Variants in PDE6D observed in about 807,000 individuals in gnomAD.
The protein encoded by PDE6D is phosphodiesterase 6D.
PDE6D carries 10 observed loss-of-function variants against 21.9 expected under a neutral mutation model. That is an observed-to-expected ratio of 0.46 (90% CI 0.28 to 0.78). The LOEUF is 0.78. Among genes scored for constraint, PDE6D ranks in the 30% least tolerant of loss-of-function variants. The probability of loss-of-function intolerance (pLI) is 0.12; values close to 1 mark genes in which losing one functional copy is unlikely to be tolerated. For synonymous variants in PDE6D, 59 were observed against 63.5 expected, an observed-to-expected ratio of 0.93 and a Z score of 0.34; for missense variants, 139 against 184.8, an observed-to-expected ratio of 0.75 and a Z score of 1.44.
intron 1 of PDE6D, among the ~76,000 whole-genome samples, chr2:231,745,530 G>C (rs1201293516): frequency 6.6e-6 from 1 of 152,178 alleles, no homozygotes; most frequent in East Asian, 1.9e-4. Context: ...CGAAGGATGA[G>C]CACAAAGGAA....
chr2:231,733,287 C>CA (rs1203822027), intron 4 of PDE6D, among the ~76,000 whole-genome samples: 1 of 152,200 alleles, frequency 6.6e-6, no homozygotes, highest in African/African-American at 2.4e-5. Context: ...CTCCTTGGTA[C>CA]ACTCTAAAGC....
intron 1 of PDE6D, among the ~76,000 whole-genome samples, chr2:231,771,813 T>C (rs1458865583): frequency 6.6e-6 from 1 of 152,138 alleles, no homozygotes; most frequent in African/African-American, 2.4e-5. Flanking sequence ...TATAAACATT[T>C]GCCAAAAAAA....
At chr2:231,768,953 C>T (rs2048993713) in intron 1 of PDE6D, among the ~76,000 whole-genome samples, 1 of 152,142 alleles carries the variant, frequency 6.6e-6, no homozygotes. Flanking sequence ...ACTGCAACCT[C>T]CGCCTCCTGG....
chr2:231,749,672 C>T (rs1574623455), intron 1 of PDE6D, among the ~76,000 whole-genome samples: 1 of 152,212 alleles, frequency 6.6e-6, no homozygotes, highest in South Asian at 2.1e-4. Flanking sequence ...GCTGAGATTA[C>T]AGGCACTTGC....
chr2:231,767,172 G>A (rs777895720), intron 1 of PDE6D, among the ~76,000 whole-genome samples: 13 of 152,068 alleles, frequency 8.5e-5, no homozygotes, highest in Non-Finnish European at 1.9e-4. Context: ...TGACTTTTCT[G>A]ATATCCTACT....
At chr2:231,768,347 G>A (rs1339014973) in intron 1 of PDE6D, among the ~76,000 whole-genome samples, 1 of 152,086 alleles carries the variant, frequency 6.6e-6, no homozygotes, top group African/African-American at 2.4e-5. Context: ...AGATTAAACT[G>A]GGTAACACCT....
chr2:231,763,628 CT>C (rs1008984136), intron 1 of PDE6D, among the ~76,000 whole-genome samples: 23 of 149,014 alleles, frequency 1.5e-4, no homozygotes, highest in Non-Finnish European at 2.2e-4. Context: ...TCTTTAAAAA[CT>C]TTTTTTTTCT....
At chr2:231,775,983 A>G (rs1021264161) in intron 1 of PDE6D, among the ~76,000 whole-genome samples, 13 of 152,200 alleles carry the variant, frequency 8.5e-5, no homozygotes, top group Admixed American at 6.5e-4. Flanking sequence ...ATGTTGATGA[A>G]AAAGCTATTC....
intron 3 of PDE6D, 141 bp from the exon 4 acceptor site, chr2:231,737,433 C>T (rs779017830): frequency 2.7e-5 from 15 of 554,950 alleles, no homozygotes; most frequent in South Asian, 1.6e-4. Context: ...AGACCAGGGG[C>T]GTAAAAAAGA....
chr2:231,752,238 GA>G, intron 1 of PDE6D, among the ~76,000 whole-genome samples: 1 of 133,202 alleles, frequency 7.5e-6, no homozygotes, highest in Non-Finnish European at 1.6e-5. Flanking sequence ...GAAAAGCTGA[GA>G]GAGGGGAAAA....
intron 1 of PDE6D, among the ~76,000 whole-genome samples, chr2:231,769,929 C>T (rs948167968): frequency 1.3e-5 from 2 of 152,168 alleles, no homozygotes; most frequent in Admixed American, 1.3e-4. Flanking sequence ...ATACTTTCAC[C>T]TGATATTTTT....
chr2:231,779,803 A>G (rs1246492701), intron 1 of PDE6D, among the ~76,000 whole-genome samples: 3 of 152,236 alleles, frequency 2.0e-5, no homozygotes, highest in Non-Finnish European at 2.9e-5. Context: ...TCACTTGTAC[A>G]TCCAAAACTT....
rs115005861 is a variant in PDE6D at position 231,759,626 on chromosome 2, A to G, written c.51-20438T>C. ...TGGAATCTATTTCTCTGCCAAAAACATGTTTGGGAAGCAGAAAAGCTAATA... is the reference window on the plus strand; with the variant it reads ...TGGAATCTATTTCTCTGCCAAAAACGTGTTTGGGAAGCAGAAAAGCTAATA... On this transcript the variant is annotated intron_variant, in intron 1 of 4. Coordinates refer to ENST00000287600, the MANE Select transcript of PDE6D (RefSeq NM_002601.4). Among the ~76,000 whole-genome samples the G allele has an allele frequency of 3.7e-3, 570 of 152,312 alleles. 4 individuals are homozygous for G. The highest frequency in any genetic ancestry group is 0.017 in the Middle Eastern group (5 of 294).
chr2:231,780,274 T>C (rs940463892), intron 1 of PDE6D, among the ~76,000 whole-genome samples: 5 of 152,118 alleles, frequency 3.3e-5, no homozygotes, highest in Non-Finnish European at 7.4e-5. Flanking sequence ...CAGCTAGGCA[T>C]AACCGCACCG....
At chr2:231,752,037 A>G (rs2048843885) in intron 1 of PDE6D, among the ~76,000 whole-genome samples, 1 of 152,228 alleles carries the variant, frequency 6.6e-6, no homozygotes, top group South Asian at 2.1e-4. Flanking sequence ...TCAATCATTT[A>G]TATCAGTCCA....
intron 1 of PDE6D, among the ~76,000 whole-genome samples, chr2:231,753,215 C>G (rs902108585): frequency 1.3e-5 from 2 of 151,328 alleles, no homozygotes; most frequent in Admixed American, 1.3e-4. Context: ...AAGGGTGGTT[C>G]CATGACCTTG....
chr2:231,755,788 C>T (rs955432611), intron 1 of PDE6D, among the ~76,000 whole-genome samples: 3 of 152,066 alleles, frequency 2.0e-5, no homozygotes, highest in Non-Finnish European at 4.4e-5. Flanking sequence ...GGTGTGGTGG[C>T]GCATGCCCGT....
In PDE6D at chr2:231,781,230, G is replaced by C; in HGVS notation, c.-116C>G. On this transcript the variant is annotated 5_prime_UTR_variant, in exon 1 of 5. Coordinates refer to ENST00000287600, the MANE Select transcript of PDE6D (RefSeq NM_002601.4). ...GCTTGGAGACCTCGGGCTAGCAGCC[G>C]CAGCGGCCAGACCAGGACCGGCCTC... 2 of 946,714 alleles carry C rather than the reference G, an allele frequency of 2.1e-6. No homozygotes were observed. Among genetic ancestry groups the C allele is most frequent in the South Asian group, 2.9e-5 (2 of 69,956 alleles). The allele number at this position is 946,714 out of a possible 1,614,324, so 58.6% of individuals were successfully genotyped here.
In PDE6D at chr2:231,770,910, G is replaced by A. The variant is rs539228483; in HGVS notation, c.50+10155C>T. On this transcript the variant is annotated intron_variant, in intron 1 of 4. Coordinates refer to ENST00000287600, the MANE Select transcript of PDE6D (RefSeq NM_002601.4). The stretch of plus-strand genomic sequence containing the variant: ...AGAGGTTGCAGTGAGTTGAGATCGC[G>A]CCATTGCACTCCAGCCTGGGTGACA... Among the ~76,000 whole-genome samples, 79 of 150,508 alleles carry A rather than the reference G, an allele frequency of 5.2e-4. 1 individual carries two copies. Among genetic ancestry groups the A allele is most frequent in the African/African-American group, 1.8e-3 (74 of 40,894 alleles).
Sources: gnomAD v4.1 joint callset for allele counts (sites outside exome capture counted in the v4.1 genomes callset) on GRCh38, gnomAD v4.1.1 for gene constraint, MANE v1.5 for transcripts, NCBI Gene and HGNC (gene_info 2026-07-23, HGNC 2026-07-21) for gene names.